The following SND1 variants were observed in gnomAD, a reference collection of about 807,000 sequenced individuals.
SND1 encodes staphylococcal nuclease and tudor domain containing 1.
A neutral mutation model predicts 121.7 loss-of-function variants in SND1; 38 were observed. That is an observed-to-expected ratio of 0.31 (90% confidence interval 0.24 to 0.41). The LOEUF is 0.41. Ranked by LOEUF, SND1 falls within the 10% of genes least tolerant of loss-of-function variation. SND1 has a pLI of 1.00. For missense variants in SND1, 868 were observed against 1,184.6 expected, an observed-to-expected ratio of 0.73 and a Z score of 3.92; for synonymous variants, 401 against 447.4, an observed-to-expected ratio of 0.90 and a Z score of 1.31.
chr7:128,073,587 C>T (rs1284922502), intron 16 of SND1, among the ~76,000 whole-genome samples: 1 of 152,200 alleles, frequency 6.6e-6, no homozygotes, highest in African/African-American at 2.4e-5. Context: ...GGTATTTAGA[C>T]ATTCATTTTA....
At chr7:127,798,872 C>T (rs1187614932) in intron 10 of SND1, among the ~76,000 whole-genome samples, 1 of 152,100 alleles carries the variant, frequency 6.6e-6, no homozygotes, top group Non-Finnish European at 1.5e-5. Context: ...TAACAAGACC[C>T]TGTCTCTACA....
chr7:127,690,530 T>C (rs73234880), intron 2 of SND1, among the ~76,000 whole-genome samples: 49,738 of 152,170 alleles, frequency 0.33, 9,068 homozygotes, highest in Admixed American at 0.42. Context: ...ATCTTGGTGC[T>C]GTCATAGCAT....
intron 11 of SND1, among the ~76,000 whole-genome samples, chr7:127,834,004 A>G (rs1798817823): frequency 6.6e-6 from 1 of 152,102 alleles, no homozygotes; most frequent in Non-Finnish European, 1.5e-5. Context: ...TTCACTTATA[A>G]TGTCCTCAAG....
chr7:128,091,717 C>T (rs1653442289), intron 22 of SND1, 120 bp from the exon 23 acceptor site: 6 of 986,508 alleles, frequency 6.1e-6, no homozygotes, highest in East Asian at 2.4e-5. Flanking sequence ...AACTAAGGCT[C>T]CATTGGACAG....
intron 16 of SND1, among the ~76,000 whole-genome samples, chr7:128,024,034 G>C (rs1488458478): frequency 6.8e-6 from 1 of 147,540 alleles, no homozygotes; most frequent in East Asian, 1.9e-4. Flanking sequence ...TGGCTACAGA[G>C]TCTGTGCTTG....
At position 128,029,864 on chromosome 7, in the gene SND1, C is replaced by A. The variant is rs1792526473; in HGVS notation, c.1779+38808C>A. 6.2e-7 allele frequency: 1 copy of A among 1,613,454 alleles called. No individual in the cohort carries two copies. The highest frequency in any genetic ancestry group is 8.5e-7 in the Non-Finnish European group (1 of 1,180,026). ...GTGAAGCCAGCCCGTCAAAAGCATTCCGCTCAATCAGGCTGACCTGTGAGT... is the reference window on the plus strand; with the variant it reads ...GTGAAGCCAGCCCGTCAAAAGCATTACGCTCAATCAGGCTGACCTGTGAGT... On this transcript the variant is annotated intron_variant, in intron 16 of 23. Coordinates refer to ENST00000354725, the MANE Select transcript of SND1 (RefSeq NM_014390.4). This position sits in a 1 kb window ranked among gnomAD's most constrained non-coding sequence, Gnocchi z 4.2.
intron 10 of SND1, among the ~76,000 whole-genome samples, chr7:127,775,795 C>A (rs186902992): frequency 2.0e-5 from 3 of 152,068 alleles, no homozygotes; most frequent in African/African-American, 7.2e-5. Context: ...GTATCACCCA[C>A]CCTCAGTATT....
At chr7:128,061,619 G>A (rs928751838) in intron 16 of SND1, among the ~76,000 whole-genome samples, 2 of 152,232 alleles carry the variant, frequency 1.3e-5, no homozygotes, top group East Asian at 1.9e-4. Flanking sequence ...CTCTGAGGGT[G>A]TAAGCCATGC....
chr7:128,078,630 A>C (rs1443390356), intron 17 of SND1, among the ~76,000 whole-genome samples: 1 of 152,186 alleles, frequency 6.6e-6, no homozygotes, highest in Non-Finnish European at 1.5e-5. Context: ...GCTGGGAAAG[A>C]AGCTCCACCC....
At chr7:127,719,388 G>A (rs557203366) in intron 9 of SND1, among the ~76,000 whole-genome samples, 2 of 152,244 alleles carry the variant, frequency 1.3e-5, no homozygotes, top group African/African-American at 4.8e-5. Context: ...CAGTTTTTAA[G>A]TTCTAAACTC....
At chr7:127,770,579 A>G (rs1046378056) in intron 10 of SND1, among the ~76,000 whole-genome samples, 5 of 152,220 alleles carry the variant, frequency 3.3e-5, no homozygotes, top group African/African-American at 1.2e-4. Context: ...TTACTTGTAC[A>G]AGGTCTAATA....
intron 7 of SND1, 147 bp downstream of exon 7, chr7:127,703,470 T>A: frequency 1.1e-6 from 1 of 938,030 alleles, no homozygotes; most frequent in Non-Finnish European, 1.5e-6. Flanking sequence ...TCCCACCACT[T>A]TGGGAGGCCA....
chr7:128,091,290 C>T (rs998847670), intron 22 of SND1, among the ~76,000 whole-genome samples: 4 of 152,200 alleles, frequency 2.6e-5, no homozygotes, highest in Non-Finnish European at 5.9e-5. Context: ...GGAATCACGA[C>T]TCACTGCAGC....
At chr7:127,661,758 A>G (rs967436786) in intron 1 of SND1, among the ~76,000 whole-genome samples, 10 of 152,096 alleles carry the variant, frequency 6.6e-5, no homozygotes, top group Non-Finnish European at 1.2e-4. Context: ...TAATTGAATA[A>G]TTGGTATTTC....
At chr7:127,711,711 T>C (rs1346593984) in intron 9 of SND1, among the ~76,000 whole-genome samples, 1 of 152,112 alleles carries the variant, frequency 6.6e-6, no homozygotes, top group Non-Finnish European at 1.5e-5. Context: ...TATTATTTGG[T>C]TGTTGGATTT....
At chr7:127,908,944 C>T (rs1280900092) in intron 14 of SND1, among the ~76,000 whole-genome samples, 2 of 152,160 alleles carry the variant, frequency 1.3e-5, no homozygotes, top group South Asian at 2.1e-4. Flanking sequence ...AATTATGGTT[C>T]TGAGATTAGA....
rs1801719727 is a variant in SND1, at chr7:127,961,082, G to A, written c.1670-29865G>A. On this transcript the variant is annotated intron_variant, in intron 15 of 23. Transcript: ENST00000354725. ...CAAGAGAGGGCATTAATTAAATACAGCCCTATCATTTTGGACAGTGTAAAT... is the reference window on the plus strand; with the variant it reads ...CAAGAGAGGGCATTAATTAAATACAACCCTATCATTTTGGACAGTGTAAAT... Among the ~76,000 whole-genome samples, 2 of 152,172 alleles carry A rather than the reference G, an allele frequency of 1.3e-5. 1 individual carries two copies. The highest frequency in any genetic ancestry group is 4.1e-4 in the South Asian group (2 of 4,824).
In SND1 at chr7:127,908,362, G is replaced by A. The variant is rs531831778; in HGVS notation, c.1527+3543G>A. Among the ~76,000 whole-genome samples the A allele has an allele frequency of 7.9e-3, 1,145 of 144,806 alleles. 18 individuals are homozygous for A. Among genetic ancestry groups the A allele is most frequent in the African/African-American group, 0.028 (1,095 of 39,580 alleles). 95.0% of individuals were successfully genotyped at this position (144,806 alleles called of 152,430 possible). The stretch of plus-strand genomic sequence containing the variant: ...TGTGTGTGTGTGTGTGTGTGTGTGC[G>A]TGCGTGTTGACCCATCTGCGTCTCT... On this transcript the variant is annotated intron_variant, in intron 14 of 23. Coordinates refer to ENST00000354725, the MANE Select transcript of SND1 (RefSeq NM_014390.4).
chr7:127,993,370 C>G (rs1017612400), intron 16 of SND1, among the ~76,000 whole-genome samples: 11 of 152,242 alleles, frequency 7.2e-5, no homozygotes, highest in Non-Finnish European at 1.5e-5. Context: ...CCACAAAGAT[C>G]TAGCAGAAGA....
Sources: allele counts gnomAD v4.1 joint callset (sites outside exome capture counted in the v4.1 genomes callset), GRCh38; gene constraint gnomAD v4.1.1; non-coding constraint Gnocchi (gnomAD v3.1); transcripts MANE v1.5; gene names NCBI Gene and HGNC (gene_info 2026-07-23, HGNC 2026-07-21).